The following HTR4 variants were observed in gnomAD, a reference collection of about 807,000 sequenced individuals.
The protein encoded by HTR4 is 5-hydroxytryptamine receptor 4.
In HTR4, 16 loss-of-function variants were observed where a neutral mutation model predicts 36.8. The ratio of observed to expected loss-of-function variants is 0.43; its 90% CI spans 0.29 to 0.66. The LOEUF (loss-of-function observed/expected upper bound fraction) is 0.66. Ranked by LOEUF, HTR4 falls within the 30% of genes least tolerant of loss-of-function variation. The probability of loss-of-function intolerance (pLI) is 0.13; values close to 1 mark genes in which losing one functional copy is unlikely to be tolerated. For synonymous variants in HTR4, 189 were observed against 185.1 expected (o/e 1.02, Z -0.17); for missense variants, 438 against 490.9 (o/e 0.89, Z 1.02).
downstream of HTR4, among the ~76,000 whole-genome samples, chr5:148,478,547 G>A (rs542298179): frequency 8.5e-5 from 13 of 152,226 alleles, no homozygotes; most frequent in South Asian, 2.1e-4. Context: ...TATGAACACC[G>A]CCTCAGAAAA....
chr5:148,490,183 A>G (rs540699431), intron 6 of HTR4, among the ~76,000 whole-genome samples: 4 of 148,096 alleles, frequency 2.7e-5, no homozygotes, highest in African/African-American at 7.4e-5. Flanking sequence ...ATATATATGT[A>G]TGTGTGTGTG....
intron 4 of HTR4, among the ~76,000 whole-genome samples, chr5:148,538,496 C>T (rs1405732759): frequency 6.6e-6 from 1 of 152,126 alleles, no homozygotes; most frequent in Non-Finnish European, 1.5e-5. Context: ...GCCCCAAAAG[C>T]TCCTTCAGCT....
At chr5:148,531,968 T>A (rs952403224) in intron 4 of HTR4, among the ~76,000 whole-genome samples, 44 of 152,018 alleles carry the variant, frequency 2.9e-4, no homozygotes, top group African/African-American at 9.4e-4. Context: ...TGGGTAGAGG[T>A]CAGGAATGCT....
intron 2 of HTR4, among the ~76,000 whole-genome samples, chr5:148,561,855 C>T (rs771299777): frequency 3.3e-5 from 5 of 152,192 alleles, no homozygotes; most frequent in Admixed American, 1.3e-4. Context: ...GAAAAGTGGA[C>T]TTTCCCATAC....
intron 2 of HTR4, among the ~76,000 whole-genome samples, chr5:148,582,853 A>C (rs1035105894): frequency 1.4e-4 from 22 of 151,992 alleles, no homozygotes; most frequent in African/African-American, 5.1e-4. Flanking sequence ...ACGGGGTTTT[A>C]TAGATATACA....
intron 5 of HTR4, among the ~76,000 whole-genome samples, chr5:148,457,428 G>A (rs1339647261): frequency 6.6e-6 from 1 of 151,526 alleles, no homozygotes; most frequent in Non-Finnish European, 1.5e-5. Context: ...CATTCACTGA[G>A]CAATTAGCAT....
At chr5:148,585,345 C>A (rs1349234645) in intron 2 of HTR4, among the ~76,000 whole-genome samples, 1 of 152,120 alleles carries the variant, frequency 6.6e-6, no homozygotes, top group African/African-American at 2.4e-5. Context: ...GTAGATTGGT[C>A]ATGGAAGGCA....
intron 2 of HTR4, among the ~76,000 whole-genome samples, chr5:148,550,587 T>A (rs781500088): frequency 6.6e-6 from 1 of 152,208 alleles, no homozygotes; most frequent in Non-Finnish European, 1.5e-5. Flanking sequence ...GTGCACCTAC[T>A]CAACTAGATT....
intron 2 of HTR4, among the ~76,000 whole-genome samples, chr5:148,597,443 G>A (rs1204092333): frequency 6.6e-6 from 1 of 152,014 alleles, no homozygotes; most frequent in African/African-American, 2.4e-5. Flanking sequence ...ATCACTCTTG[G>A]GATTAAGAAC....
intron 1 of HTR4, among the ~76,000 whole-genome samples, chr5:148,651,277 C>A (rs2127320645): frequency 6.6e-6 from 1 of 152,138 alleles, no homozygotes; most frequent in Admixed American, 6.5e-5. Flanking sequence ...CCAGGCATAG[C>A]AACAAGGCAG....
rs1309797471 is a variant in HTR4 at position 148,482,078 on chromosome 5, A to T, written c.*1125T>A. On this transcript the variant is annotated 3_prime_UTR_variant, in exon 7 of 7. Coordinates refer to ENST00000377888, the MANE Select transcript of HTR4 (RefSeq NM_000870.7). ...TCCAGAGATGAAAGAACACTATTCA[A>T]GATCTCACAGCTTGTTTGCAGCACA... 1 of 980,988 alleles carries T rather than the reference A, an allele frequency of 1.0e-6. No homozygotes were observed. The highest frequency in any genetic ancestry group is 1.8e-5 in the African/African-American group (1 of 57,116). The allele number at this position is 980,988 out of a possible 1,614,324, so 60.8% of individuals were successfully genotyped here.
intron 5 of HTR4, among the ~76,000 whole-genome samples, chr5:148,516,979 T>C (rs550030970): frequency 1.3e-5 from 2 of 152,346 alleles, no homozygotes; most frequent in East Asian, 3.9e-4. Context: ...AAGGAAATAG[T>C]AGAGGTCTTC....
At chr5:148,575,470 C>G (rs1050106783) in intron 2 of HTR4, among the ~76,000 whole-genome samples, 6 of 151,994 alleles carry the variant, frequency 3.9e-5, no homozygotes, top group African/African-American at 1.4e-4. Context: ...TGACAGAGAT[C>G]TGGAACCATT....
intron 5 of HTR4, among the ~76,000 whole-genome samples, chr5:148,463,612 T>C (rs1373896291): frequency 2.0e-5 from 3 of 152,080 alleles, no homozygotes; most frequent in Admixed American, 1.3e-4. Context: ...TGCTCATGGA[T>C]AGAAAGGCTA....
chr5:148,476,668 G>A, downstream of HTR4: 1 of 1,594,118 alleles, frequency 6.3e-7, no homozygotes, highest in Non-Finnish European at 8.5e-7. Context: ...TAACTTCAGT[G>A]TACAAAAACC....
intron 5 of HTR4, chr5:148,462,055 T>C (rs1359974031): frequency 6.6e-6 from 1 of 152,116 alleles, no homozygotes; most frequent in East Asian, 1.9e-4. Flanking sequence ...TAAAATATTT[T>C]GGACTAAATG....
intron 2 of HTR4, among the ~76,000 whole-genome samples, chr5:148,577,619 A>G (rs1484509927): frequency 6.6e-6 from 1 of 152,190 alleles, no homozygotes; most frequent in Non-Finnish European, 1.5e-5. Context: ...CATATACACC[A>G]TAGAATACTA....
intron 2 of HTR4, among the ~76,000 whole-genome samples, chr5:148,570,651 C>A (rs1760637092): frequency 1.3e-5 from 2 of 151,988 alleles, no homozygotes; most frequent in South Asian, 4.1e-4. Context: ...ATGCGGCCAG[C>A]AAGGGTCACA....
At chr5:148,495,057 G>T (rs1756624747) in intron 6 of HTR4, among the ~76,000 whole-genome samples, 1 of 152,172 alleles carries the variant, frequency 6.6e-6, no homozygotes, top group Non-Finnish European at 1.5e-5. Flanking sequence ...AATTGGGTAA[G>T]TGTCCTAGGT....
Sources: allele counts gnomAD v4.1 joint callset (sites outside exome capture counted in the v4.1 genomes callset), GRCh38; gene constraint gnomAD v4.1.1; transcripts MANE v1.5; gene names NCBI Gene and HGNC (gene_info 2026-07-23, HGNC 2026-07-21).